CTNNAL1: variants seen among roughly 807,000 people sequenced by gnomAD.
The protein encoded by CTNNAL1 is catenin alpha like 1, also known as alpha-catulin.
In CTNNAL1, 69 loss-of-function variants were observed where a neutral mutation model predicts 93.6. That is an observed-to-expected ratio of 0.74 (90% CI 0.61 to 0.90). The LOEUF (loss-of-function observed/expected upper bound fraction) is 0.90. CTNNAL1 is among the 40% of genes least tolerant of loss of function. The pLI is 0.00. For synonymous variants in CTNNAL1, 286 were observed against 305.4 expected, an observed-to-expected ratio of 0.94 and a Z score of 0.66; for missense variants, 836 against 862.0, an observed-to-expected ratio of 0.97 and a Z score of 0.38.
rs561256149 is a variant in CTNNAL1 at position 108,942,645 on chromosome 9, G to A, written c.*124C>T. The A allele has an allele frequency of 2.8e-6, 2 of 706,466 alleles. No homozygotes were observed. Among genetic ancestry groups the A allele is most frequent in the African/African-American group, 1.8e-5 (1 of 55,584 alleles). 43.8% of individuals were successfully genotyped at this position (706,466 alleles called of 1,614,324 possible). On this transcript the variant is annotated 3_prime_UTR_variant, in exon 19 of 19. Transcript: ENST00000325551. ...ATCAGTTTCATGATCAGAAAATAGAGCAAAATTTCAATATTGTTTTCTTTA... is the reference window on the plus strand; with the variant it reads ...ATCAGTTTCATGATCAGAAAATAGAACAAAATTTCAATATTGTTTTCTTTA...
chr9:108,997,027 C>T (rs1832047759), intron 2 of CTNNAL1, among the ~76,000 whole-genome samples: 1 of 152,140 alleles, frequency 6.6e-6, no homozygotes, highest in Admixed American at 6.6e-5. Flanking sequence ...TTTTCACATC[C>T]TATTTTAATA....
intron 4 of CTNNAL1, among the ~76,000 whole-genome samples, chr9:108,986,142 G>A (rs562918499): frequency 3.3e-5 from 5 of 149,790 alleles, no homozygotes; most frequent in Non-Finnish European, 5.9e-5. Flanking sequence ...TCGTCATTTA[G>A]CATTAGGTAT....
intron 1 of CTNNAL1, among the ~76,000 whole-genome samples, chr9:109,007,250 G>GA (rs897984446): frequency 1.2e-4 from 18 of 149,894 alleles, no homozygotes; most frequent in East Asian, 2.0e-4. Context: ...AGAAAAAAAA[G>GA]AAAAAAAAAC....
In CTNNAL1 at chr9:108,946,947, A is replaced by G. The variant is rs554431946; in HGVS notation, c.1884+1239T>C. Among the ~76,000 whole-genome samples, 5 of 152,134 alleles carry G rather than the reference A, an allele frequency of 3.3e-5. No homozygotes were observed. In the South Asian group the frequency reaches 8.3e-4, roughly 25 times the overall value. On this transcript the variant is annotated intron_variant, in intron 15 of 18. Transcript: ENST00000325551. Reference sequence around the variant, plus strand: ...AAAAAATAAATTCAGAATTTCAACTATCTTAAGGGAAATAGCTCATTTATA... The same window carrying G: ...AAAAAATAAATTCAGAATTTCAACTGTCTTAAGGGAAATAGCTCATTTATA...
chr9:108,981,555 A>G (rs59887633), intron 6 of CTNNAL1, among the ~76,000 whole-genome samples: 10,844 of 152,108 alleles, frequency 0.071, 478 homozygotes, highest in Admixed American at 0.13. Context: ...AATATTTATT[A>G]AGAGCAAAAA....
chr9:108,947,115 CTT>C (rs34477684), intron 15 of CTNNAL1, among the ~76,000 whole-genome samples: 20 of 136,222 alleles, frequency 1.5e-4, no homozygotes, highest in Non-Finnish European at 1.6e-4. Context: ...AAATTTCTTT[CTT>C]TTTTTTTTTT....
chr9:108,979,258 T>G, intron 7 of CTNNAL1, 23 bp downstream of exon 7: 1 of 1,613,556 alleles, frequency 6.2e-7, no homozygotes, highest in African/African-American at 1.3e-5. Flanking sequence ...AAGATTTACT[T>G]TGATTTTAAA....
chr9:108,944,400 G>A (rs1830335885), intron 15 of CTNNAL1, among the ~76,000 whole-genome samples: 1 of 149,312 alleles, frequency 6.7e-6, no homozygotes, highest in African/African-American at 2.4e-5. Flanking sequence ...AGGTCAAAAG[G>A]GTTAGGACCT....
chr9:108,960,718 A>G (rs59195183), intron 11 of CTNNAL1, among the ~76,000 whole-genome samples: 2,732 of 152,294 alleles, frequency 0.018, 31 homozygotes, highest in Non-Finnish European at 0.025. Flanking sequence ...GCTCTGAGAT[A>G]AGGCTTTTTT....
chr9:109,007,636 T>C (rs1239904576), intron 1 of CTNNAL1, among the ~76,000 whole-genome samples: 1 of 152,210 alleles, frequency 6.6e-6, no homozygotes, highest in Non-Finnish European at 1.5e-5. Flanking sequence ...ATATGCTTGG[T>C]TCTTAGCCCA....
intron 15 of CTNNAL1, 82 bp from the exon 16 acceptor site, chr9:108,944,100 C>T (rs773098535): frequency 1.8e-5 from 24 of 1,320,584 alleles, no homozygotes; most frequent in African/African-American, 9.0e-5. Context: ...ATAATTTTTA[C>T]GTAGAATTTT....
intron 8 of CTNNAL1, among the ~76,000 whole-genome samples, chr9:108,976,613 CT>C (rs1246176401): frequency 4.1e-4 from 62 of 152,200 alleles, no homozygotes; most frequent in Middle Eastern, 3.4e-3. Flanking sequence ...TCACTGCAGC[CT>C]TGAGCCCTGG....
intron 8 of CTNNAL1, 31 bp from the exon 9 acceptor site, chr9:108,972,864 G>GGGGGCA: frequency 7.0e-6 from 1 of 142,584 alleles, no homozygotes; most frequent in Non-Finnish European, 1.0e-5. Flanking sequence ...GGGGGGGTGG[G>GGGGGCA]AGGGTGGAGA....
chr9:109,000,653 C>T (rs1013501751), intron 1 of CTNNAL1, among the ~76,000 whole-genome samples: 6 of 150,118 alleles, frequency 4.0e-5, no homozygotes, highest in Admixed American at 1.3e-4. Flanking sequence ...AGCAGTCAGA[C>T]CAGCAAACAT....
At chr9:108,958,217 A>G (rs1830735133) in intron 11 of CTNNAL1, among the ~76,000 whole-genome samples, 1 of 152,164 alleles carries the variant, frequency 6.6e-6, no homozygotes, top group African/African-American at 2.4e-5. Context: ...GTAATCATCT[A>G]TAGTGCCCAT....
At chr9:108,985,575 A>G (rs1831580424) in intron 4 of CTNNAL1, among the ~76,000 whole-genome samples, 1 of 152,244 alleles carries the variant, frequency 6.6e-6, no homozygotes. Flanking sequence ...ATAGAGATGG[A>G]ATTACAAATA....
chr9:108,962,266 C>A (rs952231964), intron 11 of CTNNAL1, among the ~76,000 whole-genome samples: 4 of 152,182 alleles, frequency 2.6e-5, no homozygotes, highest in African/African-American at 9.7e-5. Flanking sequence ...CAAGAGATGG[C>A]AGCTACTATT....
At chr9:108,984,134 T>C (rs542173999) in intron 5 of CTNNAL1, among the ~76,000 whole-genome samples, 1 of 152,342 alleles carries the variant, frequency 6.6e-6, no homozygotes, top group East Asian at 1.9e-4. Context: ...TGCTGAGCTG[T>C]TCAATCAAAG....
chr9:109,002,159 G>A (rs1826854106), intron 1 of CTNNAL1, among the ~76,000 whole-genome samples: 1 of 152,078 alleles, frequency 6.6e-6, no homozygotes, highest in African/African-American at 2.4e-5. Flanking sequence ...TTACAGTTCT[G>A]GAGGCTGGGA....
Sources: allele counts gnomAD v4.1 joint callset (sites outside exome capture counted in the v4.1 genomes callset), GRCh38; gene constraint gnomAD v4.1.1; transcripts MANE v1.5; gene names NCBI Gene and HGNC (gene_info 2026-07-23, HGNC 2026-07-21).